DOCK11: variants seen among roughly 807,000 people sequenced by gnomAD.
DOCK11 encodes the protein dedicator of cytokinesis 11.
DOCK11 carries 70 observed loss-of-function variants against 169.1 expected under a neutral mutation model. That is an observed-to-expected ratio of 0.41 (90% CI 0.34 to 0.51). DOCK11 has a LOEUF of 0.51. DOCK11 is among the 20% of genes least tolerant of loss of function. The probability of loss-of-function intolerance (pLI) is 0.10; values close to 1 mark genes in which losing one functional copy is unlikely to be tolerated. For synonymous variants in DOCK11, 529 were observed against 541.3 expected (o/e 0.98, Z 0.32); for missense variants, 1,166 against 1,538.8 (o/e 0.76, Z 4.05).
chrX:118,526,856 C>T (rs2011387834), intron 1 of DOCK11, among the ~76,000 whole-genome samples: 1 of 112,198 alleles, frequency 8.9e-6, no homozygotes. Flanking sequence ...GGCCAGAAGT[C>T]CTTCATTGAT....
intron 1 of DOCK11, among the ~76,000 whole-genome samples, chrX:118,502,378 C>A: frequency 8.9e-6 from 1 of 112,257 alleles, no homozygotes; most frequent in South Asian, 3.7e-4. Context: ...TATTTAGAGA[C>A]AGCCACCATG....
chrX:118,549,614 C>T (rs763599598), intron 6 of DOCK11, among the ~76,000 whole-genome samples: 11 of 111,468 alleles, frequency 9.9e-5, no homozygotes, highest in East Asian at 2.8e-4. Context: ...AGTGCAGTGG[C>T]GTGATCACGG....
At chrX:118,557,621 G>A (rs751225769) in intron 6 of DOCK11, among the ~76,000 whole-genome samples, 12 of 107,816 alleles carry the variant, frequency 1.1e-4, no homozygotes, top group African/African-American at 4.1e-4. Context: ...AAAATTAGCC[G>A]GGCATGGTGG....
At chrX:118,604,512 GTTTGTTTCCTTTTTT>G (rs1338405944) in intron 23 of DOCK11, among the ~76,000 whole-genome samples, 1 of 90,447 alleles carries the variant, frequency 1.1e-5, no homozygotes, top group East Asian at 3.3e-4. Context: ...GCTCAGCGAG[GTTTGTTTCCTTTTTT>G]TTTTTTTTTT....
chrX:118,634,079 T>C (rs2015321198), intron 35 of DOCK11: 1 of 112,258 alleles, frequency 8.9e-6, no homozygotes, highest in African/African-American at 3.2e-5. Flanking sequence ...AGTCAACTCT[T>C]TAATTTTGGC....
At chrX:118,592,869 G>C (rs1231806427) in intron 19 of DOCK11, among the ~76,000 whole-genome samples, 1 of 112,603 alleles carries the variant, frequency 8.9e-6, no homozygotes. Flanking sequence ...CATTTTAAAT[G>C]GGTTGCATTC....
intron 52 of DOCK11, 134 bp from the exon 53 acceptor site, chrX:118,685,554 C>A: frequency 3.7e-6 from 3 of 809,799 alleles, no homozygotes; most frequent in Non-Finnish European, 5.2e-6. Flanking sequence ...TTATTCTTTG[C>A]TCTCTCTGCT....
chrX:118,614,417 T>C (rs924802429), intron 28 of DOCK11, among the ~76,000 whole-genome samples: 3 of 111,295 alleles, frequency 2.7e-5, no homozygotes, highest in African/African-American at 3.3e-5. Context: ...TATGTGTGTG[T>C]ATGTATAGAT....
At chrX:118,628,862 A>G (rs1178066086) in intron 34 of DOCK11, among the ~76,000 whole-genome samples, 1 of 112,818 alleles carries the variant, frequency 8.9e-6, no homozygotes, top group Non-Finnish European at 1.9e-5. Context: ...ATAAAATTAT[A>G]TTAGAAGGGA....
Position 118,636,332 on chromosome X carries a change from T to C in DOCK11, c.3887-14T>C. The C allele has an allele frequency of 3.8e-6, 4 of 1,055,445 alleles. No homozygotes were observed. Among genetic ancestry groups the C allele is most frequent in the Non-Finnish European group, 5.1e-6 (4 of 777,363 alleles). The allele number at this position is 1,055,445 out of a possible 1,213,427, so 87.0% of individuals were successfully genotyped here. A position where few individuals can be genotyped will look rare whatever the true frequency, so the allele number is the denominator to read the frequency against. ...TTATTTCAAGATCTAACACTTTATT[T>C]ATTCCATTTTCAGATACTCTCTTAA... On this transcript the variant is annotated splice_polypyrimidine_tract_variant and intron_variant, in intron 35 of 52. Coordinates refer to ENST00000276202, the MANE Select transcript of DOCK11 (RefSeq NM_144658.4).
At chrX:118,571,785 C>T (rs2013282445) in intron 10 of DOCK11, among the ~76,000 whole-genome samples, 1 of 111,761 alleles carries the variant, frequency 8.9e-6, no homozygotes, top group African/African-American at 3.3e-5. Flanking sequence ...TATAGACTGT[C>T]AGGGAGTGTG....
Position 118,649,079 on chromosome X carries a change from C to G in DOCK11, c.4533C>G (p.Asn1511Lys), listed in dbSNP as rs1191938798. ...CACTTTTGTATCTTTTGATGAGAAA[C>G]AACTTTGAGTATACCAAAAGGAAAA... ...ASALLYLLMRNNFEYTKRKTF... is the reference protein window; with the variant it reads ...ASALLYLLMRKNFEYTKRKTF... The change falls in exon 41 of 53, where the codon AAC becomes AAG. Residue 1511 changes from asparagine (N) to lysine (K), a missense_variant. Transcript: ENST00000276202. 8.3e-7 allele frequency: 1 copy of G among 1,202,050 alleles called. No homozygotes were observed. Among genetic ancestry groups the G allele is most frequent in the Admixed American group, 2.2e-5 (1 of 44,950 alleles).
intron 41 of DOCK11, among the ~76,000 whole-genome samples, chrX:118,651,035 A>G (rs756280286): frequency 8.9e-6 from 1 of 112,120 alleles, no homozygotes; most frequent in East Asian, 2.8e-4. Context: ...GAGCCCATAC[A>G]CATGGCTATT....
intron 13 of DOCK11, 104 bp from the exon 14 acceptor site, chrX:118,579,993 A>T: frequency 1.6e-6 from 1 of 611,670 alleles, no homozygotes; most frequent in South Asian, 4.1e-5. Flanking sequence ...TATTTTTTTG[A>T]GATTTTTGAT....
At position 118,654,758 on chromosome X, in the gene DOCK11, A is replaced by G; in HGVS notation, c.4852A>G (p.Arg1618Gly). 1 of 1,212,091 alleles carries G rather than the reference A, an allele frequency of 8.3e-7. No individual in the cohort carries two copies. Among genetic ancestry groups the G allele is most frequent in the Non-Finnish European group, 1.1e-6 (1 of 895,583 alleles). Residue 1618 changes from arginine to glycine, a missense_variant, in exon 43 of 53, where the codon AGG becomes GGG. Transcript: ENST00000276202. ...GTCCTATGCAAGCACCCCAGAGCTCAGGAAAACCTGGCTTGATAGCATGGC... is the reference window on the plus strand; with the variant it reads ...GTCCTATGCAAGCACCCCAGAGCTCGGGAAAACCTGGCTTGATAGCATGGC... ...AKSYASTPEL[R>G]KTWLDSMAKI...
chrX:118,516,004 A>AATATATATATATAT (rs1191968312), intron 1 of DOCK11, among the ~76,000 whole-genome samples: 11,476 of 44,966 alleles, frequency 0.26, 1,734 homozygotes, highest in Middle Eastern at 0.4. Context: ...GATTTGGGCA[A>AATATATATATATAT]ATATATATAT....
At chrX:118,586,738 C>T (rs778460632) in intron 16 of DOCK11, among the ~76,000 whole-genome samples, 30 of 111,823 alleles carry the variant, frequency 2.7e-4, no homozygotes, top group Middle Eastern at 9.2e-3. Context: ...AAGACCATCA[C>T]ATATATATGT....
chrX:118,616,500 C>G (rs1434409565), intron 30 of DOCK11, among the ~76,000 whole-genome samples: 1 of 109,033 alleles, frequency 9.2e-6, no homozygotes, highest in Non-Finnish European at 1.9e-5. Context: ...AGCATAGAGG[C>G]CATGGATGGG....
At chrX:118,674,761 C>G (rs1426202157) in intron 46 of DOCK11, among the ~76,000 whole-genome samples, 1 of 112,128 alleles carries the variant, frequency 8.9e-6, no homozygotes, top group East Asian at 2.8e-4. Flanking sequence ...TCCACAGTGG[C>G]TGTACCGTTT....
Sources: gnomAD v4.1 joint callset for allele counts (sites outside exome capture counted in the v4.1 genomes callset) on GRCh38, gnomAD v4.1.1 for gene constraint, MANE v1.5 for transcripts, NCBI Gene and HGNC (gene_info 2026-07-23, HGNC 2026-07-21) for gene names.